ANXA10: variants seen among roughly 807,000 people sequenced by gnomAD.
ANXA10 encodes the protein annexin A10.
ANXA10 carries 49 observed loss-of-function variants against 53.5 expected under a neutral mutation model. The observed-to-expected ratio is 0.92, with a 90% CI of 0.73 to 1.16. The LOEUF (loss-of-function observed/expected upper bound fraction) is 1.16, where lower values mean the gene tolerates loss of function less well. Among genes scored for constraint, ANXA10 ranks in the 50% most tolerant of loss-of-function variants. The probability of loss-of-function intolerance (pLI) is 0.00; values close to 1 mark genes in which losing one functional copy is unlikely to be tolerated. For missense variants in ANXA10, 393 were observed against 394.4 expected, an observed-to-expected ratio of 1.00 and a Z score of 0.03; for synonymous variants, 131 against 128.9, an observed-to-expected ratio of 1.02 and a Z score of -0.11.
At chr4:168,128,048 T>G in intron 1 of ANXA10, 36 bp from the exon 2 acceptor site, 3 of 1,552,328 alleles carry the variant, frequency 1.9e-6, no homozygotes, top group Non-Finnish European at 2.7e-6. Context: ...TTAACATGAA[T>G]TATTACAATC....
intron 1 of ANXA10, among the ~76,000 whole-genome samples, chr4:168,119,537 T>C (rs1424144136): frequency 1.3e-5 from 2 of 152,178 alleles, no homozygotes; most frequent in Admixed American, 1.3e-4. Flanking sequence ...ACATGGTTTA[T>C]AGGTACCTGC....
At chr4:168,171,536 TAG>T (rs1044237301) in intron 6 of ANXA10, among the ~76,000 whole-genome samples, 12 of 152,294 alleles carry the variant, frequency 7.9e-5, no homozygotes, top group African/African-American at 2.4e-4. Context: ...TTTGAATTAA[TAG>T]AGACTGGGGT....
chr4:168,183,002 C>T (rs1175069828), intron 10 of ANXA10, among the ~76,000 whole-genome samples: 11 of 124,508 alleles, frequency 8.8e-5, no homozygotes, highest in African/African-American at 3.5e-4. Flanking sequence ...AGCGAGACAC[C>T]GTCTCGGAAA....
At chr4:168,146,745 C>T (rs944533064) in intron 3 of ANXA10, among the ~76,000 whole-genome samples, 1 of 151,934 alleles carries the variant, frequency 6.6e-6, no homozygotes, top group Admixed American at 6.6e-5. Flanking sequence ...CTGCATTTTT[C>T]CCCCCACAGA....
chr4:168,173,733 G>A (rs1016176071), intron 6 of ANXA10, among the ~76,000 whole-genome samples: 1 of 152,158 alleles, frequency 6.6e-6, no homozygotes, highest in African/African-American at 2.4e-5. Context: ...ACAAGTCTCA[G>A]ATAAATCCAC....
chr4:168,152,174 G>A (rs1165345116), intron 3 of ANXA10, among the ~76,000 whole-genome samples: 1 of 152,160 alleles, frequency 6.6e-6, no homozygotes, highest in African/African-American at 2.4e-5. Flanking sequence ...CAGAAGCCAG[G>A]TAAGAAATAC....
At chr4:168,180,877 C>T (rs573122976) in intron 9 of ANXA10, among the ~76,000 whole-genome samples, 1 of 152,262 alleles carries the variant, frequency 6.6e-6, no homozygotes, top group Admixed American at 6.5e-5. Flanking sequence ...AGGCTCTAGG[C>T]TGTCCTACCA....
At chr4:168,096,388 T>A (rs1730540398) in intron 1 of ANXA10, among the ~76,000 whole-genome samples, 1 of 152,188 alleles carries the variant, frequency 6.6e-6, no homozygotes, top group Non-Finnish European at 1.5e-5. Flanking sequence ...AAGTTTTGAA[T>A]CATGCTGTTA....
intron 3 of ANXA10, among the ~76,000 whole-genome samples, chr4:168,149,080 T>A (rs1731452553): frequency 6.6e-6 from 1 of 152,180 alleles, no homozygotes; most frequent in South Asian, 2.1e-4. Flanking sequence ...ATTCTCTGGA[T>A]GCTTTTAAGA....
intron 6 of ANXA10, among the ~76,000 whole-genome samples, chr4:168,166,234 T>G (rs1731875996): frequency 6.6e-6 from 1 of 152,208 alleles, no homozygotes; most frequent in South Asian, 2.1e-4. Context: ...CTAGAGACTC[T>G]AAATGCCAGC....
rs112601654 is a variant in ANXA10, at chr4:168,157,393, G to A, written c.196-5135G>A. On this transcript the variant is annotated intron_variant, in intron 3 of 11. Coordinates refer to ENST00000359299, the MANE Select transcript of ANXA10 (RefSeq NM_007193.5). The stretch of plus-strand genomic sequence containing the variant: ...AGTGATCCTCCTGACTCAGCCTCCC[G>A]AGTAGCTGGGATTACAGGCGCCTGC... Among the ~76,000 whole-genome samples the A allele has an allele frequency of 1.7e-3, 265 of 151,914 alleles. 1 individual carries two copies. Among genetic ancestry groups the A allele is most frequent in the Middle Eastern group, 0.01 (3 of 288 alleles).
intron 3 of ANXA10, among the ~76,000 whole-genome samples, chr4:168,155,209 C>T (rs1731585344): frequency 6.7e-6 from 1 of 149,618 alleles, no homozygotes; most frequent in South Asian, 2.1e-4. Context: ...TTTCCACGAA[C>T]CTTCATTTTA....
chr4:168,107,889 T>G (rs1730743275), intron 1 of ANXA10, among the ~76,000 whole-genome samples: 1 of 152,200 alleles, frequency 6.6e-6, no homozygotes, highest in South Asian at 2.1e-4. Flanking sequence ...ATATTAATTT[T>G]GGGGGACATG....
At chr4:168,174,450 C>T (rs576308001) in intron 6 of ANXA10, among the ~76,000 whole-genome samples, 19 of 152,198 alleles carry the variant, frequency 1.2e-4, no homozygotes, top group Non-Finnish European at 2.6e-4. Context: ...ACCCCATGCT[C>T]ACTCGCTCAC....
chr4:168,153,841 T>A (rs1361751782), intron 3 of ANXA10, among the ~76,000 whole-genome samples: 2 of 152,158 alleles, frequency 1.3e-5, no homozygotes, highest in African/African-American at 4.8e-5. Flanking sequence ...TTTTGCACTG[T>A]GAGGATTCAA....
At chr4:168,169,962 A>G (rs1168467134) in intron 6 of ANXA10, among the ~76,000 whole-genome samples, 1 of 152,230 alleles carries the variant, frequency 6.6e-6, no homozygotes, top group Non-Finnish European at 1.5e-5. Context: ...AAAATGAAAC[A>G]TGAGGGAAAA....
At chr4:168,166,119 T>C (rs1349145464) in intron 6 of ANXA10, among the ~76,000 whole-genome samples, 1 of 152,206 alleles carries the variant, frequency 6.6e-6, no homozygotes, top group Non-Finnish European at 1.5e-5. Flanking sequence ...ATACAAATAT[T>C]CTCATAAGTA....
chr4:168,180,112 A>C lies in ANXA10; in HGVS notation c.724+800A>C, dbSNP rs1271724725. Among the ~76,000 whole-genome samples the C allele has an allele frequency of 3.9e-5, 6 of 152,274 alleles. No individual in the cohort carries two copies. In the South Asian group the frequency reaches 8.3e-4, roughly 21 times the overall value. On this transcript the variant is annotated intron_variant, in intron 9 of 11. Transcript: ENST00000359299. Reference sequence around the variant, plus strand: ...GGCGTGAGAGCTGACAGATAAAGGAATTTTTGTAGCTTATCTAGTAAAGAA... The same window carrying C: ...GGCGTGAGAGCTGACAGATAAAGGACTTTTTGTAGCTTATCTAGTAAAGAA...
chr4:168,174,616 A>G (rs1560791047), intron 6 of ANXA10, among the ~76,000 whole-genome samples: 1 of 152,248 alleles, frequency 6.6e-6, no homozygotes, highest in Non-Finnish European at 1.5e-5. Flanking sequence ...ATTGCCAGCC[A>G]CAGAGGTCTC....
Sources: gnomAD v4.1 joint callset for allele counts (sites outside exome capture counted in the v4.1 genomes callset) on GRCh38, gnomAD v4.1.1 for gene constraint, MANE v1.5 for transcripts, NCBI Gene and HGNC (gene_info 2026-07-23, HGNC 2026-07-21) for gene names.